Variants in THSD7B observed in about 807,000 individuals in gnomAD.
The protein encoded by THSD7B is thrombospondin type 1 domain containing 7B.
A neutral mutation model predicts 213.6 loss-of-function variants in THSD7B; 138 were observed. The ratio of observed to expected loss-of-function variants is 0.65; its 90% CI spans 0.56 to 0.74. The LOEUF is 0.74. Among genes scored for constraint, THSD7B ranks in the 30% least tolerant of loss-of-function variants. THSD7B has a pLI of 0.00. For synonymous variants in THSD7B, 742 were observed against 687.0 expected (o/e 1.08, Z -1.25); for missense variants, 1,931 against 1,991.5 (o/e 0.97, Z 0.58).
At chr2:137,516,492 G>A (rs565467470) in intron 15 of THSD7B, among the ~76,000 whole-genome samples, 38 of 152,286 alleles carry the variant, frequency 2.5e-4, no homozygotes, top group Non-Finnish European at 5.0e-4. Context: ...CTGGGGAAAG[G>A]AAAATGATCA....
chr2:137,238,564 T>TTTTTTTTTTTTTTTTC (rs1553481982), intron 9 of THSD7B, among the ~76,000 whole-genome samples: 1 of 83,408 alleles, frequency 1.2e-5, no homozygotes, highest in African/African-American at 3.9e-5. Context: ...TTTTTTTTTT[T>TTTTTTTTTTTTTTTTC]GAGACGGAGT....
intron 17 of THSD7B, among the ~76,000 whole-genome samples, chr2:137,604,521 T>A (rs1682135739): frequency 6.6e-6 from 1 of 152,212 alleles, no homozygotes; most frequent in East Asian, 1.9e-4. Flanking sequence ...CATGTATCTA[T>A]CATCTAGGTT....
intron 12 of THSD7B, among the ~76,000 whole-genome samples, chr2:137,405,227 G>C (rs1686488695): frequency 6.6e-6 from 1 of 150,972 alleles, no homozygotes; most frequent in South Asian, 2.1e-4. Flanking sequence ...ACATCTAGGA[G>C]GAGCCTAAGT....
intron 12 of THSD7B, among the ~76,000 whole-genome samples, chr2:137,313,594 C>T (rs1206698028): frequency 1.3e-5 from 2 of 151,158 alleles, no homozygotes; most frequent in Non-Finnish European, 2.9e-5. Context: ...GCAGTTTCTT[C>T]CTAGTCTCGA....
chr2:136,957,426 G>A (rs72617053), intron 2 of THSD7B, among the ~76,000 whole-genome samples: 15,220 of 139,078 alleles, frequency 0.11, 1,354 homozygotes, highest in East Asian at 0.43. Context: ...AGTTGCATGG[G>A]CCAATACAAC....
At chr2:137,327,995 C>T (rs1261477085) in intron 12 of THSD7B, among the ~76,000 whole-genome samples, 1 of 152,152 alleles carries the variant, frequency 6.6e-6, no homozygotes, top group Non-Finnish European at 1.5e-5. Context: ...CAAAGAATTA[C>T]AAAGCCGTTG....
At chr2:137,496,739 A>C (rs1427451824) in intron 15 of THSD7B, among the ~76,000 whole-genome samples, 1 of 152,196 alleles carries the variant, frequency 6.6e-6, no homozygotes, top group Non-Finnish European at 1.5e-5. Flanking sequence ...ATACCTCATG[A>C]GTAGAGGCAG....
intron 12 of THSD7B, among the ~76,000 whole-genome samples, chr2:137,403,607 C>A (rs1033676680): frequency 2.0e-5 from 3 of 152,154 alleles, no homozygotes; most frequent in Non-Finnish European, 4.4e-5. Flanking sequence ...TATGGGTAGT[C>A]GGTAGACAGG....
chr2:137,487,241 G>A (rs1451801244), intron 15 of THSD7B, among the ~76,000 whole-genome samples: 17 of 147,902 alleles, frequency 1.1e-4, no homozygotes, highest in East Asian at 3.9e-4. Context: ...AGTGGCGGGC[G>A]CCTGTAGTCC....
intron 10 of THSD7B, among the ~76,000 whole-genome samples, chr2:137,244,963 G>C (rs949904275): frequency 3.3e-5 from 5 of 152,014 alleles, no homozygotes; most frequent in Non-Finnish European, 4.4e-5. Context: ...CAGATTTCTG[G>C]ATCCATGACT....
intron 12 of THSD7B, among the ~76,000 whole-genome samples, chr2:137,304,656 GT>G (rs1304917496): frequency 1.3e-5 from 2 of 151,852 alleles, no homozygotes; most frequent in Non-Finnish European, 2.9e-5. Context: ...GTATGCTATT[GT>G]TTTTCTAGAA....
chr2:137,518,993 A>C (rs2105163497), intron 15 of THSD7B, among the ~76,000 whole-genome samples: 1 of 152,308 alleles, frequency 6.6e-6, no homozygotes, highest in South Asian at 2.1e-4. Context: ...CACGCCTGTA[A>C]TCCCAGCACT....
chr2:136,956,872 G>C lies in THSD7B; in HGVS notation c.139+74555G>C, dbSNP rs182638966. 3.1e-4 allele frequency among the ~76,000 whole-genome samples: 47 copies of C among 152,064 alleles called. No homozygotes were observed. In the East Asian group the frequency reaches 8.1e-3, roughly 26 times the overall value. ...TTTTTATATTTTTAGTAGAGACGGG[G>C]CTTGACCATGTTGACCAGGCTAATC... is the stretch of plus-strand genomic sequence containing the variant. On this transcript the variant is annotated intron_variant, in intron 2 of 27. Transcript: ENST00000409968.
At chr2:137,088,949 G>A (rs568451361) in intron 3 of THSD7B, among the ~76,000 whole-genome samples, 16 of 152,122 alleles carry the variant, frequency 1.1e-4, no homozygotes, top group Admixed American at 2.0e-4. Context: ...AAGAATGGCT[G>A]TAATAAAAAA....
chr2:137,456,948 G>A (rs567154375), intron 15 of THSD7B, among the ~76,000 whole-genome samples: 8 of 152,106 alleles, frequency 5.3e-5, no homozygotes, highest in Non-Finnish European at 1.0e-4. Flanking sequence ...CCTTTATGCC[G>A]GTCAGCTAGC....
At chr2:137,276,995 T>A (rs112719224) in intron 12 of THSD7B, among the ~76,000 whole-genome samples, 93 of 152,218 alleles carry the variant, frequency 6.1e-4, no homozygotes, top group African/African-American at 2.2e-3. Context: ...TAAGACATTT[T>A]ACTTTCATAT....
chr2:137,463,824 G>A (rs1687934051), intron 15 of THSD7B, among the ~76,000 whole-genome samples: 1 of 151,992 alleles, frequency 6.6e-6, no homozygotes, highest in African/African-American at 2.4e-5. Flanking sequence ...CACTTGGGAG[G>A]GCTTTAGCAT....
chr2:137,378,015 T>C (rs965250473), intron 12 of THSD7B, among the ~76,000 whole-genome samples: 11 of 152,172 alleles, frequency 7.2e-5, no homozygotes, highest in African/African-American at 2.2e-4. Context: ...TTTTCATCAC[T>C]TCCAAGAGAA....
intron 12 of THSD7B, among the ~76,000 whole-genome samples, chr2:137,359,968 A>T (rs1217288717): frequency 6.6e-6 from 1 of 152,222 alleles, no homozygotes; most frequent in African/African-American, 2.4e-5. Flanking sequence ...CTTAATGTGA[A>T]ATCCAATCAT....
Sources: allele counts gnomAD v4.1 joint callset (sites outside exome capture counted in the v4.1 genomes callset), GRCh38; gene constraint gnomAD v4.1.1; transcripts MANE v1.5; gene names NCBI Gene and HGNC (gene_info 2026-07-23, HGNC 2026-07-21).